The following PPM1A variants were observed in gnomAD, a reference collection of about 807,000 sequenced individuals.
The protein encoded by PPM1A is protein phosphatase, Mg2+/Mn2+ dependent 1A, also known as protein phosphatase 1A.
PPM1A carries 7 observed loss-of-function variants against 35.0 expected under a neutral mutation model. That is an observed-to-expected ratio of 0.20 (90% CI 0.11 to 0.38). PPM1A has a LOEUF of 0.38. Among genes scored for constraint, PPM1A ranks in the 10% least tolerant of loss-of-function variants. The pLI is 1.00. For synonymous variants in PPM1A, 153 were observed against 167.3 expected (o/e 0.91, Z 0.66); for missense variants, 239 against 467.8 (o/e 0.51, Z 4.51).
chr14:60,265,815 C>A (rs1360260205), intron 1 of PPM1A, among the ~76,000 whole-genome samples: 2 of 152,178 alleles, frequency 1.3e-5, no homozygotes, highest in Non-Finnish European at 2.9e-5. Context: ...TTACCAGGAA[C>A]TCACTCCTAA....
intron 1 of PPM1A, among the ~76,000 whole-genome samples, chr14:60,261,080 G>A (rs547294324): frequency 6.6e-6 from 1 of 152,240 alleles, no homozygotes; most frequent in Non-Finnish European, 1.5e-5. Context: ...ACTTGCATGA[G>A]TTTACTGAGA....
chr14:60,290,940 C>G (rs1465256946), intron 4 of PPM1A, among the ~76,000 whole-genome samples: 23 of 152,016 alleles, frequency 1.5e-4, no homozygotes, highest in Non-Finnish European at 2.9e-5. Context: ...TCTTATTTGA[C>G]ATTTCAGTTT....
intron 2 of PPM1A, among the ~76,000 whole-genome samples, chr14:60,285,006 G>C (rs1886840664): frequency 6.6e-6 from 1 of 151,888 alleles, no homozygotes; most frequent in African/African-American, 2.4e-5. Context: ...TATAGCATTT[G>C]AATACTTAGA....
In PPM1A at chr14:60,294,718, T is replaced by A. The variant is rs1358981620; in HGVS notation, c.*2236T>A. On this transcript the variant is annotated 3_prime_UTR_variant, in exon 6 of 6. Coordinates refer to ENST00000395076, the MANE Select transcript of PPM1A (RefSeq NM_021003.5). The stretch of plus-strand genomic sequence containing the variant: ...ACCATAACAGCATATTTAGAGCCTT[T>A]TTTTTTTGAGTCTTTAAACAAGAGA... 1 of 151,748 alleles carries A rather than the reference T, an allele frequency of 6.6e-6. No individual in the cohort carries two copies. Among genetic ancestry groups the A allele is most frequent in the Non-Finnish European group, 1.5e-5 (1 of 67,774 alleles). The allele number at this position is 151,748 out of a possible 1,614,324, so 9.4% of individuals were successfully genotyped here. A position where few individuals can be genotyped will look rare whatever the true frequency, so the allele number is the denominator to read the frequency against.
chr14:60,275,607 C>T (rs1454439580), intron 1 of PPM1A, among the ~76,000 whole-genome samples: 1 of 152,200 alleles, frequency 6.6e-6, no homozygotes, highest in Non-Finnish European at 1.5e-5. Context: ...CTTCCTCAGC[C>T]TCCTGAGTAG....
Position 60,249,651 on chromosome 14 carries a change from G to A in PPM1A, c.-47G>A, listed in dbSNP as rs865899886. The A allele has an allele frequency of 1.3e-3, 1,280 of 985,126 alleles. 18 individuals are homozygous for A. The African/African-American group carries it at 0.02, about 16-fold the overall frequency. 61.0% of individuals were successfully genotyped at this position (985,126 alleles called of 1,614,324 possible). ...CGCCGCCGCCGCCTCGGCCGACCAG[G>A]GACCTGCCCGCCTGCGGCTGCTCCG... On this transcript the variant is annotated 5_prime_UTR_variant, in exon 1 of 6. Transcript: ENST00000395076. This position sits in a 1 kb window ranked among gnomAD's most constrained non-coding sequence, Gnocchi z 4.5.
rs869066455 is a variant in PPM1A, at chr14:60,255,159, G to GTT, written c.-21+5495_-21+5496dup. ...TGTCTGTGTATTATTTCTATCATAT[G>GTT]TTTTTTTTTTTTTTGTTTTGTTTTG... On this transcript the variant is annotated intron_variant, in intron 1 of 5. Coordinates refer to ENST00000395076, the MANE Select transcript of PPM1A (RefSeq NM_021003.5). Among the ~76,000 whole-genome samples, 409 of 100,778 alleles carry GTT rather than the reference G, an allele frequency of 4.1e-3. 60 individuals carry two copies. The highest frequency in any genetic ancestry group is 0.023 in the African/African-American group (289 of 12,432). The allele number at this position is 100,778 out of a possible 152,430, so 66.1% of individuals were successfully genotyped here.
intron 1 of PPM1A, among the ~76,000 whole-genome samples, chr14:60,279,041 T>C (rs577406933): frequency 6.6e-6 from 1 of 152,322 alleles, no homozygotes; most frequent in South Asian, 2.1e-4. Flanking sequence ...GCTTAGTAAA[T>C]ACAAATATAC....
chr14:60,297,182 G>A lies in PPM1A; in HGVS notation c.*4700G>A, dbSNP rs1242173636. ...TTTCTTGAGCAAGAAAGCTTAGTGT[G>A]TTACTTCATCAAGGCCAGCTAATAC... On this transcript the variant is annotated 3_prime_UTR_variant, in exon 6 of 6. Transcript: ENST00000395076. 6.6e-6 allele frequency: 1 copy of A among 151,454 alleles called. No individual in the cohort carries two copies. Among genetic ancestry groups the A allele is most frequent in the Non-Finnish European group, 1.5e-5 (1 of 67,652 alleles). 9.4% of individuals were successfully genotyped at this position (151,454 alleles called of 1,614,324 possible).
intron 2 of PPM1A, among the ~76,000 whole-genome samples, chr14:60,284,537 G>T (rs1013056623): frequency 6.6e-6 from 1 of 151,502 alleles, no homozygotes; most frequent in Non-Finnish European, 1.5e-5. Context: ...AGCTACGCGG[G>T]AGGCTGAGGC....
chr14:60,267,751 A>C (rs1486777321), intron 1 of PPM1A, among the ~76,000 whole-genome samples: 1 of 152,126 alleles, frequency 6.6e-6, no homozygotes, highest in Non-Finnish European at 1.5e-5. Context: ...AATACAGTGA[A>C]CTTCCATATT....
intron 1 of PPM1A, chr14:60,276,891 C>A: frequency 3.8e-6 from 1 of 263,924 alleles, no homozygotes; most frequent in Non-Finnish European, 6.6e-6. Context: ...GACTTCTTGG[C>A]CCAGCCTTAG....
chr14:60,276,907 T>G, intron 1 of PPM1A: 1 of 345,176 alleles, frequency 2.9e-6, no homozygotes, highest in Non-Finnish European at 4.5e-6. Context: ...CTTAGAATTT[T>G]TCAGTTTAGG....
chr14:60,283,602 T>C lies in PPM1A; in HGVS notation c.834+65T>C. 6.8e-7 allele frequency: 1 copy of C among 1,469,204 alleles called. No homozygotes were observed. Among genetic ancestry groups the C allele is most frequent in the South Asian group, 1.4e-5 (1 of 73,196 alleles). The allele number at this position is 1,469,204 out of a possible 1,614,324, so 91.0% of individuals were successfully genotyped here. On this transcript the variant is annotated intron_variant, in intron 2 of 5. Coordinates refer to ENST00000395076, the MANE Select transcript of PPM1A (RefSeq NM_021003.5). This position sits in a 1 kb window ranked among gnomAD's most constrained non-coding sequence, Gnocchi z 6.3. ...CCATATTAATCACTACTCTAGTATT[T>C]AATCATCTTAGAATCTGTAATTCTG...
chr14:60,249,222 G>A lies in PPM1A; in HGVS notation c.-476G>A, dbSNP rs1017676056. The A allele has an allele frequency of 2.0e-6, 2 of 987,794 alleles. No homozygotes were observed. The highest frequency in any genetic ancestry group is 1.1e-4 in the East Asian group (1 of 8,884). 61.2% of individuals were successfully genotyped at this position (987,794 alleles called of 1,614,324 possible). ...AGCGCGCCTGCGCGGGGCCGCGCTA[G>A]AGGCGGCGGCGGCGGCGGTGGCGGC... On this transcript the variant is annotated 5_prime_UTR_variant, in exon 1 of 6. Transcript: ENST00000395076. This position sits in a 1 kb window ranked among gnomAD's most constrained non-coding sequence, Gnocchi z 4.5.
At chr14:60,265,853 G>T (rs1311964952) in intron 1 of PPM1A, among the ~76,000 whole-genome samples, 5 of 152,190 alleles carry the variant, frequency 3.3e-5, no homozygotes, top group Admixed American at 6.5e-5. Flanking sequence ...ATTCATGAGG[G>T]CAGAGCCTTC....
rs1329196953 is a variant in PPM1A at position 60,291,386 on chromosome 14, T to C, written c.1062-11T>C. The C allele has an allele frequency of 6.5e-7, 1 of 1,533,218 alleles. No individual in the cohort carries two copies. Among genetic ancestry groups the C allele is most frequent in the Non-Finnish European group, 8.8e-7 (1 of 1,132,258 alleles). 95.0% of individuals were successfully genotyped at this position (1,533,218 alleles called of 1,614,324 possible). On this transcript the variant is annotated splice_polypyrimidine_tract_variant and intron_variant, in intron 4 of 5. Transcript: ENST00000395076. ...CTGAAGAATTAATTTTCTGCATTTT[T>C]TTACACTTAGGAGGAATGTTATTGA...
At chr14:60,250,777 T>C (rs1180319439) in intron 1 of PPM1A, among the ~76,000 whole-genome samples, 1 of 152,242 alleles carries the variant, frequency 6.6e-6, no homozygotes, top group African/African-American at 2.4e-5. Context: ...CCACTTTACA[T>C]GTGTTGCGCT....
chr14:60,292,593 G>C lies in PPM1A; in HGVS notation c.*111G>C. 2.3e-6 allele frequency: 2 copies of C among 874,942 alleles called. No homozygotes were observed. The highest frequency in any genetic ancestry group is 5.2e-5 in the East Asian group (2 of 38,834). The allele number at this position is 874,942 out of a possible 1,614,324, so 54.2% of individuals were successfully genotyped here. Reference sequence around the variant, plus strand: ...AACTTTAAGGAAGGGGATATGACATGGGTGAGAATGATTACATCAGAGAAC... The same window carrying C: ...AACTTTAAGGAAGGGGATATGACATCGGTGAGAATGATTACATCAGAGAAC... On this transcript the variant is annotated 3_prime_UTR_variant, in exon 6 of 6. Coordinates refer to ENST00000395076, the MANE Select transcript of PPM1A (RefSeq NM_021003.5). This position sits in a 1 kb window ranked among gnomAD's most constrained non-coding sequence, Gnocchi z 4.2.
Sources: allele counts gnomAD v4.1 joint callset (sites outside exome capture counted in the v4.1 genomes callset), GRCh38; gene constraint gnomAD v4.1.1; non-coding constraint Gnocchi (gnomAD v3.1); transcripts MANE v1.5; gene names NCBI Gene and HGNC (gene_info 2026-07-23, HGNC 2026-07-21).